NCAPD3: variants seen among roughly 807,000 people sequenced by gnomAD.
The protein encoded by NCAPD3 is condensin-2 complex subunit D3.
NCAPD3 carries 105 observed loss-of-function variants against 182.9 expected under a neutral mutation model. The ratio of observed to expected loss-of-function variants is 0.57; its 90% CI spans 0.49 to 0.68. The LOEUF (loss-of-function observed/expected upper bound fraction) is 0.68, where lower values mean the gene tolerates loss of function less well. NCAPD3 is among the 30% of genes least tolerant of loss of function. NCAPD3 has a pLI of 0.00. For missense variants in NCAPD3, 1,944 were observed against 1,837.0 expected (o/e 1.06, Z -1.07); for synonymous variants, 815 against 679.9 (o/e 1.20, Z -3.09).
chr11:134,220,059 A>G (rs1347882971), intron 2 of NCAPD3, among the ~76,000 whole-genome samples: 1 of 152,014 alleles, frequency 6.6e-6, no homozygotes. Context: ...CTCCCAAAGT[A>G]CTGGGATTAC....
At chr11:134,172,469 C>A (rs982529863) in intron 24 of NCAPD3, among the ~76,000 whole-genome samples, 1 of 152,192 alleles carries the variant, frequency 6.6e-6, no homozygotes, top group African/African-American at 2.4e-5. Flanking sequence ...CAGATAGTCG[C>A]GTGCTTGCTT....
intron 7 of NCAPD3, among the ~76,000 whole-genome samples, chr11:134,207,844 A>T (rs1229827437): frequency 6.6e-6 from 1 of 152,068 alleles, no homozygotes; most frequent in Non-Finnish European, 1.5e-5. Flanking sequence ...TTAAAAGGGC[A>T]TGCGAATTAA....
intron 13 of NCAPD3, among the ~76,000 whole-genome samples, chr11:134,199,675 G>A (rs757087303): frequency 1.3e-5 from 2 of 152,134 alleles, no homozygotes; most frequent in African/African-American, 4.8e-5. Context: ...TTTGTGTTAC[G>A]TAAGTGGAGT....
chr11:134,209,325 C>T lies in NCAPD3; in HGVS notation c.720G>A (p.Gln240=), dbSNP rs1331306002. ...AATTTTCACTTACCTCTATACAATT[C>T]TGTACACATTGTGGCTTTTCTTTCA... ...FSLKEKPQCV[Q]NCIEVFVSLT... is the part of the protein sequence containing the mutation. The change falls in exon 5 of 35, where the codon CAG becomes CAA. Residue 240 remains glutamine, a synonymous_variant. Transcript: ENST00000534548. The T allele has an allele frequency of 1.2e-6, 2 of 1,613,730 alleles. No homozygotes were observed. The highest frequency in any genetic ancestry group is 1.7e-6 in the Non-Finnish European group (2 of 1,179,894).
chr11:134,187,102 C>T (rs1281819092), intron 16 of NCAPD3, among the ~76,000 whole-genome samples: 1 of 152,200 alleles, frequency 6.6e-6, no homozygotes, highest in Non-Finnish European at 1.5e-5. Flanking sequence ...AGCCTCCCAG[C>T]CCAGCTGAGG....
chr11:134,196,570 G>A (rs1944632814), intron 13 of NCAPD3, among the ~76,000 whole-genome samples: 1 of 151,250 alleles, frequency 6.6e-6, no homozygotes, highest in Non-Finnish European at 1.5e-5. Context: ...TGCTTGAGCT[G>A]GGAGGCAGAG....
At chr11:134,157,121 C>T (rs746036509) in intron 31 of NCAPD3, 26 bp from the exon 32 acceptor site, 2 of 1,565,240 alleles carry the variant, frequency 1.3e-6, no homozygotes, top group African/African-American at 1.4e-5. Context: ...TGCTGCTATC[C>T]AGAAATACCC....
At position 134,199,482 on chromosome 11, in the gene NCAPD3, A is replaced by G. The variant is rs141837850; in HGVS notation, c.1615+3334T>C. 4.2e-3 allele frequency among the ~76,000 whole-genome samples: 637 copies of G among 152,140 alleles called. 4 individuals carry two copies. Among genetic ancestry groups the G allele is most frequent in the African/African-American group, 0.015 (610 of 41,396 alleles). ...TCTGATTTTGCAATAATGTGACAGCAATGCACATTCAAACCATACTTTGAG... is the reference window on the plus strand; with the variant it reads ...TCTGATTTTGCAATAATGTGACAGCGATGCACATTCAAACCATACTTTGAG... On this transcript the variant is annotated intron_variant, in intron 13 of 34. Coordinates refer to ENST00000534548, the MANE Select transcript of NCAPD3 (RefSeq NM_015261.3).
chr11:134,198,907 C>A (rs987981416), intron 13 of NCAPD3, among the ~76,000 whole-genome samples: 36 of 152,246 alleles, frequency 2.4e-4, no homozygotes, highest in African/African-American at 8.4e-4. Context: ...CAATGGTTCA[C>A]TGAAAACTAC....
chr11:134,158,027 T>C lies in NCAPD3; in HGVS notation c.4075A>G (p.Lys1359Glu). 1 of 1,614,168 alleles carries C rather than the reference T, an allele frequency of 6.2e-7. No homozygotes were observed. The highest frequency in any genetic ancestry group is 8.5e-7 in the Non-Finnish European group (1 of 1,180,026). ...LSTIAILNSV[K>E]KAVESKSRHR... ...CTGCTCTTTGACTCCACGGCTTTCTTGACAGAATTCAGGATTGCAATGGTG... is the reference window on the plus strand; with the variant it reads ...CTGCTCTTTGACTCCACGGCTTTCTCGACAGAATTCAGGATTGCAATGGTG... The change falls in exon 31 of 35, where the codon AAG becomes GAG. Residue 1359 changes from lysine to glutamate, a missense_variant. Transcript: ENST00000534548.
At position 134,151,605 on chromosome 11, in the gene NCAPD3, T is replaced by C. The variant is rs1196051474; in HGVS notation, c.*1339A>G. 2 of 152,162 alleles carry C rather than the reference T, an allele frequency of 1.3e-5. No homozygotes were observed. The highest frequency in any genetic ancestry group is 2.9e-5 in the Non-Finnish European group (2 of 68,042). The allele number at this position is 152,162 out of a possible 1,614,324, so 9.4% of individuals were successfully genotyped here. A position where few individuals can be genotyped will look rare whatever the true frequency, so the allele number is the denominator to read the frequency against. Reference sequence around the variant, plus strand: ...AGGAATACTCGTGTATTTTAAGATATGAATGTGACTCAAGACTCGAGGCCG... The same window carrying C: ...AGGAATACTCGTGTATTTTAAGATACGAATGTGACTCAAGACTCGAGGCCG... On this transcript the variant is annotated 3_prime_UTR_variant, in exon 35 of 35. Transcript: ENST00000534548.
chr11:134,154,577 C>T (rs1408685252), intron 32 of NCAPD3, among the ~76,000 whole-genome samples: 2 of 149,804 alleles, frequency 1.3e-5, no homozygotes, highest in Non-Finnish European at 3.0e-5. Context: ...CCTCGCCCCT[C>T]CTGGGTGGTG....
In NCAPD3 at chr11:134,152,109, A is replaced by G. The variant is rs1943257043; in HGVS notation, c.*835T>C. On this transcript the variant is annotated 3_prime_UTR_variant, in exon 35 of 35. Coordinates refer to ENST00000534548, the MANE Select transcript of NCAPD3 (RefSeq NM_015261.3). Reference sequence around the variant, plus strand: ...ATATTGTTGAACAAAAATAGCATTCAGTTTACCCACTAGTGCTAACAGAAG... The same window carrying G: ...ATATTGTTGAACAAAAATAGCATTCGGTTTACCCACTAGTGCTAACAGAAG... The G allele has an allele frequency of 6.6e-6, 1 of 152,280 alleles. No homozygotes were observed. The highest frequency in any genetic ancestry group is 1.5e-5 in the Non-Finnish European group (1 of 68,054). The allele number at this position is 152,280 out of a possible 1,614,324, so 9.4% of individuals were successfully genotyped here. A position where few individuals can be genotyped will look rare whatever the true frequency, so the allele number is the denominator to read the frequency against.
At chr11:134,199,024 G>A (rs558337640) in intron 13 of NCAPD3, among the ~76,000 whole-genome samples, 3 of 152,156 alleles carry the variant, frequency 2.0e-5, no homozygotes, top group Admixed American at 6.5e-5. Flanking sequence ...CCAAACTGAT[G>A]TACAGATCAA....
Position 134,192,829 on chromosome 11 carries a change from C to A in NCAPD3, c.1905G>T (p.Val635=). 6.2e-7 allele frequency: 1 copy of A among 1,614,164 alleles called. No individual in the cohort carries two copies. Among genetic ancestry groups the A allele is most frequent in the Non-Finnish European group, 8.5e-7 (1 of 1,179,974 alleles). Residue 635 remains valine, a synonymous_variant, in exon 16 of 35, where the codon GTG becomes GTT. Coordinates refer to ENST00000534548, the MANE Select transcript of NCAPD3 (RefSeq NM_015261.3). Reference sequence around the variant, plus strand: ...CCAGGAACTCCAGGGCCTTCTCCTGCACAGTGCTCTCGCAGTCCATCACCA... The same window carrying A: ...CCAGGAACTCCAGGGCCTTCTCCTGAACAGTGCTCTCGCAGTCCATCACCA... The part of the protein sequence containing the change: ...VPVVMDCEST[V]QEKALEFLDQ...
intron 2 of NCAPD3, among the ~76,000 whole-genome samples, chr11:134,219,342 C>T (rs566844162): frequency 2.0e-4 from 30 of 152,278 alleles, no homozygotes; most frequent in Middle Eastern, 6.8e-3. Flanking sequence ...TATTTCCAGG[C>T]GCCCAAATGC....
At position 134,202,861 on chromosome 11, in the gene NCAPD3, CT is replaced by C. The variant is rs757747217; in HGVS notation, c.1569del (p.Glu525ArgfsTer4). The C allele has an allele frequency of 6.2e-7, 1 of 1,609,052 alleles. No individual in the cohort carries two copies. Among genetic ancestry groups the C allele is most frequent in the Admixed American group, 1.7e-5 (1 of 58,658 alleles). Reference sequence around the variant, plus strand: ...CCACTGCTGTCTATGTTGATCTCCCCTGAGGGTTCGGAACGGTTAGATGTCT... The same window carrying C: ...CCACTGCTGTCTATGTTGATCTCCCCGAGGGTTCGGAACGGTTAGATGTCT... ...QRQTSNRSEP[S>X]GEINIDSSGE... On this transcript the variant is annotated frameshift_variant, in exon 13 of 35. Coordinates refer to ENST00000534548, the MANE Select transcript of NCAPD3 (RefSeq NM_015261.3). LOFTEE classifies it high-confidence loss of function.
intron 7 of NCAPD3, among the ~76,000 whole-genome samples, chr11:134,208,512 G>A (rs1239716898): frequency 6.6e-6 from 1 of 152,090 alleles, no homozygotes; most frequent in Admixed American, 6.5e-5. Context: ...AGAATGATTT[G>A]GGAAATATTC....
chr11:134,158,530 T>A (rs781711541), intron 29 of NCAPD3, 35 bp from the exon 30 acceptor site: 1 of 1,594,374 alleles, frequency 6.3e-7, no homozygotes, highest in Non-Finnish European at 8.6e-7. Context: ...TACATTCTAA[T>A]ACTTTTTAAG....
Sources: allele counts gnomAD v4.1 joint callset (sites outside exome capture counted in the v4.1 genomes callset), GRCh38; gene constraint gnomAD v4.1.1; transcripts MANE v1.5; gene names NCBI Gene and HGNC (gene_info 2026-07-23, HGNC 2026-07-21).